ACSL4: variants seen among roughly 807,000 people sequenced by gnomAD.
ACSL4 encodes long-chain-fatty-acid--CoA ligase 4.
A neutral mutation model predicts 49.1 loss-of-function variants in ACSL4; 9 were observed. That is an observed-to-expected ratio of 0.18 (90% CI 0.11 to 0.32). The LOEUF (loss-of-function observed/expected upper bound fraction) is 0.32. Ranked by LOEUF, ACSL4 falls within the 10% of genes least tolerant of loss-of-function variation. The pLI is 1.00. For missense variants in ACSL4, 333 were observed against 493.7 expected, an observed-to-expected ratio of 0.67 and a Z score of 3.08; for synonymous variants, 191 against 170.3, an observed-to-expected ratio of 1.12 and a Z score of -0.95.
intron 9 of ACSL4, among the ~76,000 whole-genome samples, chrX:109,669,630 T>C (rs1237384452): frequency 1.8e-5 from 2 of 111,852 alleles, no homozygotes; most frequent in African/African-American, 3.2e-5. Context: ...CCTGACTTCG[T>C]GATCCGCCAC....
At chrX:109,688,626 T>C (rs1215384708) in intron 2 of ACSL4, among the ~76,000 whole-genome samples, 4 of 111,157 alleles carry the variant, frequency 3.6e-5, no homozygotes, top group African/African-American at 6.5e-5. Flanking sequence ...ATAAACTTGT[T>C]CTCCTCATCA....
chrX:109,644,241 A>G (rs1055184693), intron 15 of ACSL4, 55 bp from the exon 16 acceptor site: 51 of 1,087,786 alleles, frequency 4.7e-5, no homozygotes, highest in Non-Finnish European at 6.2e-5. Context: ...AGAGACGAGA[A>G]AGGAGTGGGG....
At chrX:109,645,105 G>A (rs1324639794) in intron 15 of ACSL4, among the ~76,000 whole-genome samples, 11 of 113,013 alleles carry the variant, frequency 9.7e-5, no homozygotes, top group South Asian at 3.6e-4. Context: ...AGGGGCGCCC[G>A]CCATTGCCCA....
At chrX:109,649,162 T>C (rs1271134759) in intron 15 of ACSL4, among the ~76,000 whole-genome samples, 2 of 111,258 alleles carry the variant, frequency 1.8e-5, no homozygotes, top group East Asian at 2.8e-4. Context: ...CTTCACAGAA[T>C]TGGAAAAAAC....
intron 2 of ACSL4, among the ~76,000 whole-genome samples, chrX:109,687,609 GA>G (rs1317210262): frequency 9.0e-6 from 1 of 111,576 alleles, no homozygotes; most frequent in Non-Finnish European, 1.9e-5. Flanking sequence ...ATAGCATTAG[GA>G]GAAATACCTA....
intron 1 of ACSL4, among the ~76,000 whole-genome samples, chrX:109,710,043 T>C (rs967849195): frequency 9.0e-6 from 1 of 111,633 alleles, no homozygotes; most frequent in African/African-American, 3.3e-5. Flanking sequence ...AGGCGGAGGT[T>C]GCAGTGAGCC....
chrX:109,684,782 G>T lies in ACSL4; in HGVS notation c.-12-1407C>A, dbSNP rs1352139930. Among the ~76,000 whole-genome samples, 4 of 111,241 alleles carry T rather than the reference G, an allele frequency of 3.6e-5. No homozygotes were observed. In the Admixed American group the frequency reaches 3.8e-4, roughly 11 times the overall value. On this transcript the variant is annotated intron_variant, in intron 2 of 15. Transcript: ENST00000672401. ...ATGTTGGGCATCTAGAAATGAAAGA[G>T]GAATGGAAGGTATTCCAGGCTCAGG...
At chrX:109,689,056 T>C (rs149359018) in intron 2 of ACSL4, among the ~76,000 whole-genome samples, 1 of 111,326 alleles carries the variant, frequency 9.0e-6, no homozygotes, top group Non-Finnish European at 1.9e-5. Flanking sequence ...AAAACTGAGA[T>C]CATCCTTCCA....
At chrX:109,709,923 C>T (rs948794174) in intron 1 of ACSL4, among the ~76,000 whole-genome samples, 1 of 111,065 alleles carries the variant, frequency 9.0e-6, no homozygotes, top group Admixed American at 9.6e-5. Context: ...CTGACCAACA[C>T]GGAGAAAACC....
At chrX:109,656,222 T>C (rs1171881543) in intron 15 of ACSL4, among the ~76,000 whole-genome samples, 1 of 110,955 alleles carries the variant, frequency 9.0e-6, no homozygotes, top group Non-Finnish European at 1.9e-5. Context: ...CTTTCCTGTA[T>C]TAGGGAGAAT....
In ACSL4 at chrX:109,678,392, T is replaced by C; in HGVS notation, c.679A>G (p.Thr227Ala). The change falls in exon 7 of 16, where the codon ACG becomes GCG. Residue 227 changes from threonine to alanine, a missense_variant. Thr to Ala is a moderately conservative substitution (Grantham distance 58). Transcript: ENST00000672401. ...ENLGIPPSRP[T>A]PSDMAIVMYT... is the part of the protein sequence containing the mutation. ...ATAACAATGGCCATGTCTGAAGGCG[T>C]TGGTCTACTTGGAGGAATGCCCACT... is the stretch of plus-strand genomic sequence containing the variant. 2.5e-6 allele frequency: 3 copies of C among 1,212,019 alleles called. No individual in the cohort carries two copies. The highest frequency in any genetic ancestry group is 3.0e-5 in the East Asian group (1 of 33,871).
intron 9 of ACSL4, 115 bp downstream of exon 9, chrX:109,674,287 A>G: frequency 1.6e-6 from 1 of 644,709 alleles, no homozygotes; most frequent in South Asian, 2.5e-5. Flanking sequence ...TCAACAAGGT[A>G]AAATTATTTT....
intron 15 of ACSL4, among the ~76,000 whole-genome samples, chrX:109,644,630 G>A (rs780412115): frequency 1.8e-5 from 2 of 112,201 alleles, no homozygotes; most frequent in South Asian, 3.7e-4. Context: ...CCACCACCCC[G>A]GAGAGGACAT....
At chrX:109,731,237 G>A (rs1928419758) in intron 1 of ACSL4, among the ~76,000 whole-genome samples, 1 of 110,569 alleles carries the variant, frequency 9.0e-6, no homozygotes, top group African/African-American at 3.3e-5. Context: ...CATTATATGT[G>A]TGTGTGTATA....
intron 1 of ACSL4, among the ~76,000 whole-genome samples, chrX:109,730,952 C>T (rs1031729900): frequency 4.5e-5 from 5 of 111,880 alleles, no homozygotes; most frequent in Non-Finnish European, 9.4e-5. Context: ...AGGCGTGAGC[C>T]ACCACACCCA....
At chrX:109,693,083 C>T (rs1320564375) in intron 2 of ACSL4, among the ~76,000 whole-genome samples, 4 of 111,482 alleles carry the variant, frequency 3.6e-5, no homozygotes, top group Non-Finnish European at 7.5e-5. Flanking sequence ...GATCTGCCCT[C>T]CCCATCTGCC....
chrX:109,673,630 G>T (rs1393270935), intron 9 of ACSL4, among the ~76,000 whole-genome samples: 2 of 112,070 alleles, frequency 1.8e-5, no homozygotes, highest in Non-Finnish European at 3.8e-5. Flanking sequence ...TCTTCCATCT[G>T]TAATTCTCAG....
chrX:109,714,115 T>C (rs1323257671), intron 1 of ACSL4, among the ~76,000 whole-genome samples: 1 of 112,162 alleles, frequency 8.9e-6, no homozygotes, highest in East Asian at 2.8e-4. Context: ...ACAGCGATAC[T>C]GATGATCCTG....
intron 15 of ACSL4, among the ~76,000 whole-genome samples, chrX:109,646,617 C>G (rs1379141195): frequency 4.6e-5 from 5 of 108,888 alleles, no homozygotes; most frequent in Admixed American, 9.8e-5. Flanking sequence ...CATCAACTAA[C>G]GAGCAAAATA....
Sources: allele counts gnomAD v4.1 joint callset (sites outside exome capture counted in the v4.1 genomes callset), GRCh38; gene constraint gnomAD v4.1.1; transcripts MANE v1.5; gene names NCBI Gene and HGNC (gene_info 2026-07-23, HGNC 2026-07-21).